EPS15: variants seen among roughly 807,000 people sequenced by gnomAD.
EPS15 encodes epidermal growth factor receptor pathway substrate 15.
Under a neutral mutation model 113.8 loss-of-function variants are expected in EPS15, and 72 were observed. That is an observed-to-expected ratio of 0.63 (90% confidence interval 0.52 to 0.77). EPS15 has a LOEUF of 0.77. Ranked by LOEUF, EPS15 falls within the 30% of genes least tolerant of loss-of-function variation. The pLI, the probability that EPS15 is intolerant of heterozygous loss-of-function variation, is 0.00. For missense variants in EPS15, 1,048 were observed against 1,045.8 expected (o/e 1.00, Z -0.03); for synonymous variants, 344 against 363.4 (o/e 0.95, Z 0.61).
intron 21 of EPS15, among the ~76,000 whole-genome samples, chr1:51,369,677 G>C (rs893681133): frequency 1.2e-4 from 18 of 151,988 alleles, no homozygotes; most frequent in African/African-American, 4.1e-4. Flanking sequence ...ATGCTGATAC[G>C]GTTTTTTGTG....
intron 1 of EPS15, among the ~76,000 whole-genome samples, chr1:51,512,647 T>G (rs542907129): frequency 1.1e-3 from 169 of 151,236 alleles, no homozygotes; most frequent in Non-Finnish European, 2.0e-3. Context: ...AAAAAAGAAA[T>G]ACAAATGGTT....
At chr1:51,386,755 G>A (rs1375885497) in intron 21 of EPS15, among the ~76,000 whole-genome samples, 1 of 152,132 alleles carries the variant, frequency 6.6e-6, no homozygotes, top group Non-Finnish European at 1.5e-5. Flanking sequence ...GAAGCAAGAA[G>A]GGAAGTTTAG....
chr1:51,387,496 A>C (rs1220643018), intron 21 of EPS15, among the ~76,000 whole-genome samples: 1 of 152,186 alleles, frequency 6.6e-6, no homozygotes, highest in African/African-American at 2.4e-5. Context: ...AAATGGACTA[A>C]ATGCTCCAAT....
At chr1:51,454,269 A>G (rs1653810833) in intron 8 of EPS15, among the ~76,000 whole-genome samples, 1 of 152,182 alleles carries the variant, frequency 6.6e-6, no homozygotes, top group Non-Finnish European at 1.5e-5. Context: ...CAGTCTAAGA[A>G]CTTACCTGAT....
At chr1:51,394,498 G>A in intron 20 of EPS15, 51 bp from the exon 21 acceptor site, 1 of 1,111,668 alleles carries the variant, frequency 9.0e-7, no homozygotes, top group Non-Finnish European at 1.3e-6. Flanking sequence ...CTTCACAGCT[G>A]AAACCTCATC....
intron 5 of EPS15, among the ~76,000 whole-genome samples, chr1:51,465,916 T>A (rs1469225915): frequency 6.7e-6 from 1 of 149,754 alleles, no homozygotes; most frequent in Non-Finnish European, 1.5e-5. Context: ...CTGGGGAGGA[T>A]CACTTGAGCC....
At chr1:51,454,049 C>CAAAAAAA (rs376428827) in intron 8 of EPS15, among the ~76,000 whole-genome samples, 5 of 88,222 alleles carry the variant, frequency 5.7e-5, no homozygotes, top group Admixed American at 1.5e-4. Context: ...GACTTTGTTT[C>CAAAAAAA]AAAAAAAAAA....
In EPS15 at chr1:51,431,885, A is replaced by G. The variant is rs148336436; in HGVS notation, c.1040+8462T>C. ...TCTGAATTACAAAATAGGGATAATA[A>G]AGTTGATGGGCAGGATTAATTTATG... On this transcript the variant is annotated intron_variant, in intron 12 of 24. Transcript: ENST00000371733. Among the ~76,000 whole-genome samples the G allele has an allele frequency of 2.0e-5, 3 of 152,338 alleles. No homozygotes were observed. The East Asian group carries it at 5.8e-4, about 29-fold the overall frequency.
At chr1:51,408,450 G>A in intron 14 of EPS15, 118 bp from the exon 15 acceptor site, 2 of 691,376 alleles carry the variant, frequency 2.9e-6, no homozygotes, top group East Asian at 2.7e-5. Context: ...TTTTTTGACA[G>A]CAATAGCAAA....
intron 1 of EPS15, among the ~76,000 whole-genome samples, chr1:51,516,428 G>C (rs1327960057): frequency 6.6e-6 from 1 of 152,098 alleles, no homozygotes; most frequent in Non-Finnish European, 1.5e-5. Context: ...AGAAAACTGA[G>C]GCCTGGATAT....
chr1:51,375,956 C>G (rs898661201), intron 21 of EPS15, among the ~76,000 whole-genome samples: 1 of 152,178 alleles, frequency 6.6e-6, no homozygotes, highest in African/African-American at 2.4e-5. Context: ...ACAAACTTAG[C>G]AAGTACTGAT....
intron 1 of EPS15, among the ~76,000 whole-genome samples, chr1:51,503,996 T>A (rs1222793175): frequency 6.6e-6 from 1 of 152,128 alleles, no homozygotes; most frequent in African/African-American, 2.4e-5. Flanking sequence ...ACTATAAAAC[T>A]CTTAAAAGAA....
At chr1:51,393,028 C>G (rs186910853) in intron 21 of EPS15, among the ~76,000 whole-genome samples, 1 of 152,284 alleles carries the variant, frequency 6.6e-6, no homozygotes, top group African/African-American at 2.4e-5. Context: ...CTCACTTGCT[C>G]TCATTCTAAG....
At chr1:51,465,231 G>C in intron 6 of EPS15, 30 bp downstream of exon 6, 1 of 1,402,524 alleles carries the variant, frequency 7.1e-7, no homozygotes. Flanking sequence ...GCAATGAAGG[G>C]GTGAGAGAAT....
chr1:51,513,718 T>C (rs1302475911), intron 1 of EPS15, among the ~76,000 whole-genome samples: 1 of 152,194 alleles, frequency 6.6e-6, no homozygotes, highest in Non-Finnish European at 1.5e-5. Flanking sequence ...ATGATAATAA[T>C]AGCTTAGTTC....
In EPS15 at chr1:51,402,511, A is replaced by G; in HGVS notation, c.1806T>C (p.Asn602=). ...GACCTGTCAGCGAACTTGAGTCTAC[A>G]TTAAATGGATCTTCCTAAAAATAAT... ...NRHSKEEDPF[N]VDSSSLTGPV... The change falls in exon 18 of 25, where the codon AAT becomes AAC. Residue 602 remains asparagine (N), a synonymous_variant. Coordinates refer to ENST00000371733, the MANE Select transcript of EPS15 (RefSeq NM_001981.3). The G allele has an allele frequency of 1.3e-6, 2 of 1,535,378 alleles. No homozygotes were observed. Among genetic ancestry groups the G allele is most frequent in the South Asian group, 2.4e-5 (2 of 82,130 alleles).
intron 13 of EPS15, among the ~76,000 whole-genome samples, chr1:51,420,785 A>G (rs143675056): frequency 2.0e-4 from 31 of 152,212 alleles, no homozygotes; most frequent in Non-Finnish European, 2.8e-4. Context: ...TTCTTCCTCA[A>G]TTCTTCAGTA....
chr1:51,404,002 T>A (rs920761674), intron 16 of EPS15, among the ~76,000 whole-genome samples: 2 of 152,190 alleles, frequency 1.3e-5, no homozygotes, highest in African/African-American at 4.8e-5. Flanking sequence ...AGTCCTTCAA[T>A]GGCTTCCCAT....
intron 23 of EPS15, among the ~76,000 whole-genome samples, chr1:51,361,870 A>C (rs972838385): frequency 6.6e-6 from 1 of 152,206 alleles, no homozygotes; most frequent in Non-Finnish European, 1.5e-5. Context: ...AAATTTTTAA[A>C]TTACCGTAGT....
Sources: allele counts gnomAD v4.1 joint callset (sites outside exome capture counted in the v4.1 genomes callset), GRCh38; gene constraint gnomAD v4.1.1; transcripts MANE v1.5; gene names NCBI Gene and HGNC (gene_info 2026-07-23, HGNC 2026-07-21).